Variants in OXR1 observed in about 807,000 individuals in gnomAD.
The protein encoded by OXR1 is oxidation resistance protein 1.
OXR1 carries 41 observed loss-of-function variants against 104.6 expected under a neutral mutation model. The ratio of observed to expected loss-of-function variants is 0.39; its 90% CI spans 0.31 to 0.51. The LOEUF (loss-of-function observed/expected upper bound fraction) is 0.51. Ranked by LOEUF, OXR1 falls within the 20% of genes least tolerant of loss-of-function variation. The probability of loss-of-function intolerance (pLI) is 0.77; values close to 1 mark genes in which losing one functional copy is unlikely to be tolerated. For missense variants in OXR1, 955 were observed against 1,031.9 expected, an observed-to-expected ratio of 0.93 and a Z score of 1.02; for synonymous variants, 348 against 348.4, an observed-to-expected ratio of 1.00 and a Z score of 0.01.
chr8:106,439,033 C>T (rs370632456), intron 2 of OXR1, among the ~76,000 whole-genome samples: 31 of 152,190 alleles, frequency 2.0e-4, no homozygotes, highest in African/African-American at 6.5e-4. Flanking sequence ...ATTGTTGTTA[C>T]TGCAATTGTT....
intron 1 of OXR1, among the ~76,000 whole-genome samples, chr8:106,311,840 C>G (rs1193026076): frequency 6.6e-6 from 1 of 152,166 alleles, no homozygotes; most frequent in Admixed American, 6.6e-5. Context: ...TCAGCTTCAT[C>G]TGCTCTGCTA....
chr8:106,455,567 G>A (rs575449839), intron 2 of OXR1, among the ~76,000 whole-genome samples: 1 of 152,294 alleles, frequency 6.6e-6, no homozygotes, highest in Non-Finnish European at 1.5e-5. Context: ...TTAGTCATGA[G>A]TCATTCTATT....
intron 3 of OXR1, among the ~76,000 whole-genome samples, chr8:106,527,062 C>T (rs1813741794): frequency 6.6e-6 from 1 of 152,116 alleles, no homozygotes; most frequent in Non-Finnish European, 1.5e-5. Flanking sequence ...CTTTATATTC[C>T]TCCTGCTAGT....
At chr8:106,434,167 C>T (rs1819477756) in intron 2 of OXR1, among the ~76,000 whole-genome samples, 1 of 152,114 alleles carries the variant, frequency 6.6e-6, no homozygotes, top group African/African-American at 2.4e-5. Flanking sequence ...AATAATGTTA[C>T]CCATGATTAA....
chr8:106,322,224 G>A (rs1006849212), intron 1 of OXR1, among the ~76,000 whole-genome samples: 2 of 152,062 alleles, frequency 1.3e-5, no homozygotes, highest in African/African-American at 4.8e-5. Flanking sequence ...TTCGTCCCTG[G>A]GATGCAAGGT....
At chr8:106,696,638 A>C (rs1316864187) in intron 7 of OXR1, among the ~76,000 whole-genome samples, 1 of 152,224 alleles carries the variant, frequency 6.6e-6, no homozygotes, top group Admixed American at 6.5e-5. Context: ...TCAGTGTTTT[A>C]GACTTCAGCC....
intron 1 of OXR1, among the ~76,000 whole-genome samples, chr8:106,347,107 TG>T (rs1254586731): frequency 6.6e-6 from 1 of 152,240 alleles, no homozygotes; most frequent in African/African-American, 2.4e-5. Flanking sequence ...TGTCCGTGTC[TG>T]TGGAGTGAAA....
intron 1 of OXR1, among the ~76,000 whole-genome samples, chr8:106,297,990 C>A (rs538716273): frequency 6.6e-6 from 1 of 152,312 alleles, no homozygotes; most frequent in African/African-American, 2.4e-5. Context: ...AGGCAATGAT[C>A]TGGCGACAAA....
intron 2 of OXR1, among the ~76,000 whole-genome samples, chr8:106,479,072 G>A (rs986178561): frequency 1.3e-5 from 2 of 151,902 alleles, no homozygotes; most frequent in African/African-American, 4.8e-5. Context: ...CCTCAGAGGA[G>A]AAAAAGTGTG....
At chr8:106,667,919 C>T (rs2131134098) in intron 3 of OXR1, among the ~76,000 whole-genome samples, 1 of 149,930 alleles carries the variant, frequency 6.7e-6, no homozygotes, top group South Asian at 2.1e-4. Context: ...ACTTATTCAC[C>T]ACAAGAGGTT....
intron 2 of OXR1, among the ~76,000 whole-genome samples, chr8:106,380,567 C>T (rs1817102129): frequency 6.6e-6 from 1 of 152,134 alleles, no homozygotes; most frequent in African/African-American, 2.4e-5. Context: ...AAGTGGCTGT[C>T]CCATTCTACA....
chr8:106,674,885 T>C (rs1293241687), intron 3 of OXR1, among the ~76,000 whole-genome samples: 2 of 152,148 alleles, frequency 1.3e-5, no homozygotes, highest in African/African-American at 4.8e-5. Context: ...AGCTGAGGCC[T>C]CCCCAGCCAT....
rs1470082192 is a variant in OXR1, at chr8:106,621,588, T to C, written c.221-57622T>C. ...ACTTCAATGGCACTTGAAATAGTAC[T>C]GTTGAATAGAAATTCCATTGCAATA... On this transcript the variant is annotated intron_variant, in intron 3 of 16. Transcript: ENST00000517566. 3.3e-5 allele frequency among the ~76,000 whole-genome samples: 5 copies of C among 152,052 alleles called. No homozygotes were observed. In the East Asian group the frequency reaches 9.6e-4, roughly 29 times the overall value.
At chr8:106,490,768 C>G (rs2129852768) in intron 2 of OXR1, among the ~76,000 whole-genome samples, 1 of 152,134 alleles carries the variant, frequency 6.6e-6, no homozygotes, top group South Asian at 2.1e-4. Flanking sequence ...GGGGAAATAT[C>G]TCTGGCCAAG....
chr8:106,287,143 A>C (rs959173506), intron 1 of OXR1, among the ~76,000 whole-genome samples: 2 of 152,208 alleles, frequency 1.3e-5, no homozygotes, highest in Non-Finnish European at 2.9e-5. Flanking sequence ...TAGAAAGCAG[A>C]AAAACAGAGG....
At chr8:106,719,568 T>C (rs903834514) in intron 11 of OXR1, among the ~76,000 whole-genome samples, 1 of 152,156 alleles carries the variant, frequency 6.6e-6, no homozygotes, top group Non-Finnish European at 1.5e-5. Flanking sequence ...AAATATCTCT[T>C]AAGTCTCTCT....
At chr8:106,370,431 C>A (rs1816655679) in intron 2 of OXR1, among the ~76,000 whole-genome samples, 1 of 152,100 alleles carries the variant, frequency 6.6e-6, no homozygotes, top group South Asian at 2.1e-4. Flanking sequence ...ACTTCCAGTA[C>A]TATGTTGAGG....
At chr8:106,486,119 A>G (rs1034671924) in intron 2 of OXR1, among the ~76,000 whole-genome samples, 9 of 152,150 alleles carry the variant, frequency 5.9e-5, no homozygotes, top group African/African-American at 2.2e-4. Flanking sequence ...TATGTGTTCT[A>G]TTACAAAATC....
At chr8:106,694,272 G>GTCC (rs1178459938) in intron 7 of OXR1, among the ~76,000 whole-genome samples, 2 of 151,202 alleles carry the variant, frequency 1.3e-5, no homozygotes, top group Non-Finnish European at 2.9e-5. Flanking sequence ...GAGTGATAGT[G>GTCC]TCCTGTATTT....
Sources: allele counts gnomAD v4.1 joint callset (sites outside exome capture counted in the v4.1 genomes callset), GRCh38; gene constraint gnomAD v4.1.1; transcripts MANE v1.5; gene names NCBI Gene and HGNC (gene_info 2026-07-23, HGNC 2026-07-21).